Variants in IKZF3 observed in about 807,000 individuals in gnomAD.
IKZF3 encodes IKAROS family zinc finger 3, also known as zinc finger protein Aiolos.
A neutral mutation model predicts 49.0 loss-of-function variants in IKZF3; 10 were observed. That is an observed-to-expected ratio of 0.20 (90% confidence interval 0.13 to 0.35). The LOEUF (loss-of-function observed/expected upper bound fraction) is 0.35. IKZF3 is among the 10% of genes least tolerant of loss of function. The pLI is 1.00. For missense variants in IKZF3, 498 were observed against 664.8 expected (o/e 0.75, Z 2.76); for synonymous variants, 209 against 228.2 (o/e 0.92, Z 0.76).
chr17:39,796,266 T>C (rs2143931914), intron 3 of IKZF3, among the ~76,000 whole-genome samples: 1 of 152,308 alleles, frequency 6.6e-6, no homozygotes, highest in Non-Finnish European at 1.5e-5. Flanking sequence ...CTAATGAACA[T>C]GTCTAAAATC....
chr17:39,789,066 C>T (rs548830352), intron 5 of IKZF3, among the ~76,000 whole-genome samples: 1 of 152,124 alleles, frequency 6.6e-6, no homozygotes, highest in Non-Finnish European at 1.5e-5. Context: ...CAAAGGCCAC[C>T]TTGGCCTCCC....
At chr17:39,844,164 C>G (rs923477323) in intron 1 of IKZF3, among the ~76,000 whole-genome samples, 2 of 152,160 alleles carry the variant, frequency 1.3e-5, no homozygotes, top group Admixed American at 6.5e-5. Flanking sequence ...AGGCAGTCAA[C>G]ATAGCTTTGA....
chr17:39,851,057 GTATA>G (rs137974655), intron 1 of IKZF3, among the ~76,000 whole-genome samples: 2 of 144,016 alleles, frequency 1.4e-5, no homozygotes, highest in South Asian at 2.2e-4. Flanking sequence ...TATACTATGT[GTATA>G]TATATATATA....
intron 3 of IKZF3, among the ~76,000 whole-genome samples, chr17:39,798,082 C>A (rs1190546368): frequency 6.6e-6 from 1 of 152,094 alleles, no homozygotes; most frequent in Non-Finnish European, 1.5e-5. Context: ...ATCTGTGTAT[C>A]CAATCTCTAA....
At chr17:39,780,086 C>A (rs1368525917) in intron 6 of IKZF3, among the ~76,000 whole-genome samples, 1 of 151,982 alleles carries the variant, frequency 6.6e-6, no homozygotes, top group Non-Finnish European at 1.5e-5. Context: ...CGCCTGTAGT[C>A]CTAGCTACTT....
At chr17:39,777,852 T>C in intron 6 of IKZF3, 85 bp from the exon 7 acceptor site, 1 of 1,556,068 alleles carries the variant, frequency 6.4e-7, no homozygotes, top group Non-Finnish European at 8.7e-7. Flanking sequence ...AGGAGAAGTG[T>C]CCGAAGTTGG....
At chr17:39,801,662 A>G (rs898963008) in intron 3 of IKZF3, among the ~76,000 whole-genome samples, 4 of 152,120 alleles carry the variant, frequency 2.6e-5, no homozygotes, top group African/African-American at 9.7e-5. Context: ...GGTCATTTTC[A>G]TTTTCTAATT....
chr17:39,853,749 C>T (rs990230144), intron 1 of IKZF3, among the ~76,000 whole-genome samples: 4 of 150,440 alleles, frequency 2.7e-5, no homozygotes, highest in African/African-American at 9.8e-5. Flanking sequence ...GTAGGAGAAT[C>T]GCTTGGACCT....
At chr17:39,778,976 A>G (rs1380751017) in intron 6 of IKZF3, among the ~76,000 whole-genome samples, 2 of 152,216 alleles carry the variant, frequency 1.3e-5, no homozygotes, top group Non-Finnish European at 2.9e-5. Context: ...GATCAATTAA[A>G]TCAGGATTTC....
chr17:39,807,438 C>G (rs1410539276), intron 3 of IKZF3, among the ~76,000 whole-genome samples: 1 of 150,502 alleles, frequency 6.6e-6, no homozygotes, highest in Non-Finnish European at 1.5e-5. Flanking sequence ...TCACTGTCAC[C>G]CAGGCTGGAG....
chr17:39,813,949 C>A lies in IKZF3; in HGVS notation c.163+15438G>T, dbSNP rs137881271. On this transcript the variant is annotated intron_variant, in intron 3 of 7. Coordinates refer to ENST00000346872, the MANE Select transcript of IKZF3 (RefSeq NM_012481.5). ...AGTGCCTAAGCGAGGCTGACGCGGT[C>A]TCTCCCAGCTCGCTCCAGCCACCCT... 4.7e-3 allele frequency among the ~76,000 whole-genome samples: 720 copies of A among 152,340 alleles called. 24 individuals are homozygous for A. Among genetic ancestry groups the A allele is most frequent in the East Asian group, 4.6e-3 (24 of 5,184 alleles).
chr17:39,829,202 A>G (rs562502970), intron 3 of IKZF3, among the ~76,000 whole-genome samples, 185 bp downstream of exon 3: 103 of 152,352 alleles, frequency 6.8e-4, no homozygotes, highest in Non-Finnish European at 4.9e-4. Context: ...TAAGCACCTT[A>G]AATTCTCAAA....
chr17:39,808,702 G>T (rs1014570668), intron 3 of IKZF3, among the ~76,000 whole-genome samples: 6 of 152,132 alleles, frequency 3.9e-5, no homozygotes, highest in Non-Finnish European at 8.8e-5. Context: ...GACAAAATAA[G>T]AAAATAAAGA....
intron 1 of IKZF3, among the ~76,000 whole-genome samples, chr17:39,843,572 C>T: frequency 6.6e-6 from 1 of 152,038 alleles, no homozygotes; most frequent in Admixed American, 6.5e-5. Context: ...TCTTGGTCCC[C>T]TGAATATTTT....
At chr17:39,858,131 G>A (rs1013477424) in intron 1 of IKZF3, among the ~76,000 whole-genome samples, 1 of 152,060 alleles carries the variant, frequency 6.6e-6, no homozygotes, top group African/African-American at 2.4e-5. Flanking sequence ...ATGAGTGACA[G>A]TATTGAAATG....
At chr17:39,823,291 G>T (rs903700681) in intron 3 of IKZF3, among the ~76,000 whole-genome samples, 5 of 152,134 alleles carry the variant, frequency 3.3e-5, no homozygotes, top group Non-Finnish European at 7.4e-5. Flanking sequence ...CTGCCCTAGA[G>T]ATCTATGGAA....
At chr17:39,821,650 A>G (rs1442656874) in intron 3 of IKZF3, among the ~76,000 whole-genome samples, 2 of 152,238 alleles carry the variant, frequency 1.3e-5, no homozygotes, top group Non-Finnish European at 2.9e-5. Context: ...TTGGACCTTG[A>G]TGCTGAACCA....
chr17:39,843,201 G>T (rs1251891250), intron 1 of IKZF3, among the ~76,000 whole-genome samples: 1 of 152,110 alleles, frequency 6.6e-6, no homozygotes, highest in African/African-American at 2.4e-5. Context: ...TGGGGTCTGA[G>T]GATTGAATGG....
intron 3 of IKZF3, among the ~76,000 whole-genome samples, chr17:39,807,311 T>C (rs964095304): frequency 2.0e-5 from 3 of 152,004 alleles, no homozygotes; most frequent in African/African-American, 7.3e-5. Flanking sequence ...TGTACATAAA[T>C]GTTCATAGAA....
Sources: allele counts gnomAD v4.1 joint callset (sites outside exome capture counted in the v4.1 genomes callset), GRCh38; gene constraint gnomAD v4.1.1; transcripts MANE v1.5; gene names NCBI Gene and HGNC (gene_info 2026-07-23, HGNC 2026-07-21).